GOLGA7: variants seen among roughly 807,000 people sequenced by gnomAD.
GOLGA7 encodes golgin subfamily A member 7.
GOLGA7 carries 10 observed loss-of-function variants against 21.1 expected under a neutral mutation model. The ratio of observed to expected loss-of-function variants is 0.47; its 90% confidence interval spans 0.29 to 0.80. GOLGA7 has a LOEUF of 0.80. Among genes scored for constraint, GOLGA7 ranks in the 30% least tolerant of loss-of-function variants. The probability of loss-of-function intolerance (pLI) is 0.08; values close to 1 mark genes in which losing one functional copy is unlikely to be tolerated. For synonymous variants in GOLGA7, 64 were observed against 62.6 expected (o/e 1.02, Z -0.10); for missense variants, 114 against 166.8 (o/e 0.68, Z 1.74).
At chr8:41,505,702 G>T (rs1806268591) in intron 2 of GOLGA7, 2 of 446,682 alleles carry the variant, frequency 4.5e-6, no homozygotes, top group African/African-American at 2.0e-5. Context: ...TTGTGTCGAA[G>T]ATATTTTTGA....
At chr8:41,505,355 C>T (rs961238894) in intron 2 of GOLGA7, among the ~76,000 whole-genome samples, 11 of 152,152 alleles carry the variant, frequency 7.2e-5, no homozygotes, top group Non-Finnish European at 1.5e-4. Context: ...AGCTAATGCC[C>T]ACATGCTCTA....
chr8:41,507,204 ATCAT>A, intron 4 of GOLGA7, 83 bp downstream of exon 4: 1 of 736,604 alleles, frequency 1.4e-6, no homozygotes. Flanking sequence ...TGGTAAATAA[ATCAT>A]TAAATCACGC....
rs777664990 is a variant in GOLGA7 at position 41,490,872 on chromosome 8, G to T, written c.18G>T (p.Ala6=). The change falls in exon 1 of 5, where the codon GCG becomes GCT. Residue 6 remains alanine (A), a synonymous_variant. Transcript: ENST00000357743. ...TCCTCGCCATGAGGCCGCAGCAGGC[G>T]CCGGTGTCCGGAAAGGTGTTCATTC... MRPQQ[A]PVSGKVFIQR... The T allele has an allele frequency of 3.8e-6, 6 of 1,596,700 alleles. No individual in the cohort carries two copies. Among genetic ancestry groups the T allele is most frequent in the South Asian group, 2.3e-5 (2 of 88,516 alleles).
intron 3 of GOLGA7, 32 bp downstream of exon 3, chr8:41,506,044 A>G: frequency 9.5e-7 from 1 of 1,051,124 alleles, no homozygotes; most frequent in South Asian, 1.4e-5. Flanking sequence ...GAAAGTCTAA[A>G]TATTTATAAC....
rs900596102 is a variant in GOLGA7, at chr8:41,490,631, G to C, written c.-224G>C. On this transcript the variant is annotated 5_prime_UTR_variant, in exon 1 of 5. Coordinates refer to ENST00000357743, the MANE Select transcript of GOLGA7 (RefSeq NM_001002296.2). The stretch of plus-strand genomic sequence containing the variant: ...CAGAGGAGGCGGGTTTGTGTTTCCC[G>C]GGCCGAACCGGGTTGTGGGGGGCGC... 2.4e-5 allele frequency: 13 copies of C among 530,796 alleles called. No individual in the cohort carries two copies. Among genetic ancestry groups the C allele is most frequent in the Admixed American group, 1.1e-4 (3 of 28,492 alleles). The allele number at this position is 530,796 out of a possible 1,614,324, so 32.9% of individuals were successfully genotyped here.
At chr8:41,500,454 G>A (rs1209812824) in intron 2 of GOLGA7, among the ~76,000 whole-genome samples, 4 of 152,208 alleles carry the variant, frequency 2.6e-5, no homozygotes, top group Non-Finnish European at 5.9e-5. Context: ...AGAGAATGAT[G>A]GGAGGTGGAT....
intron 1 of GOLGA7, among the ~76,000 whole-genome samples, chr8:41,492,795 T>G (rs993346356): frequency 3.9e-5 from 6 of 152,272 alleles, no homozygotes; most frequent in Admixed American, 3.9e-4. Flanking sequence ...TTTACCACAA[T>G]TATTTGGACA....
chr8:41,499,221 G>A (rs993447367), intron 2 of GOLGA7, among the ~76,000 whole-genome samples: 2 of 152,170 alleles, frequency 1.3e-5, no homozygotes, highest in Admixed American at 6.5e-5. Context: ...TGGGCAGGCT[G>A]TGGGGCTCCA....
chr8:41,503,914 G>T (rs1411776481), intron 2 of GOLGA7, among the ~76,000 whole-genome samples: 1 of 149,916 alleles, frequency 6.7e-6, no homozygotes, highest in African/African-American at 2.5e-5. Flanking sequence ...GGTGGGAATT[G>T]AACAATGAGA....
Position 41,505,896 on chromosome 8 carries a change from GTT to G in GOLGA7, c.265-13_265-12del, listed in dbSNP as rs1386289534. 2 of 1,359,620 alleles carry G rather than the reference GTT, an allele frequency of 1.5e-6. No homozygotes were observed. The highest frequency in any genetic ancestry group is 3.8e-5 in the Admixed American group (2 of 52,982). The allele number at this position is 1,359,620 out of a possible 1,614,324, so 84.2% of individuals were successfully genotyped here. ...GATGAAGTTTGTAAGAAGCTGTGGT[GTT>G]TCTTTCTGTCAGGTTCTGAAGAAAG... On this transcript the variant is annotated splice_polypyrimidine_tract_variant and intron_variant, in intron 2 of 4. Coordinates refer to ENST00000357743, the MANE Select transcript of GOLGA7 (RefSeq NM_001002296.2).
At chr8:41,492,907 G>T (rs1282066353) in intron 1 of GOLGA7, among the ~76,000 whole-genome samples, 2 of 152,216 alleles carry the variant, frequency 1.3e-5, no homozygotes, top group Non-Finnish European at 2.9e-5. Flanking sequence ...TCCACTCTGT[G>T]TGTGGCAGAG....
Position 41,510,330 on chromosome 8 carries a change from C to T in GOLGA7, c.*762C>T, listed in dbSNP as rs1806391970. On this transcript the variant is annotated 3_prime_UTR_variant, in exon 5 of 5. Coordinates refer to ENST00000357743, the MANE Select transcript of GOLGA7 (RefSeq NM_001002296.2). ...TGTTCATCACAAAAATCAGTAAGCA[C>T]AATAAAGTGGATGCCAAACCATCAG... 6.6e-6 allele frequency: 1 copy of T among 152,502 alleles called. No homozygotes were observed. The highest frequency in any genetic ancestry group is 2.1e-4 in the South Asian group (1 of 4,832). 9.4% of individuals were successfully genotyped at this position (152,502 alleles called of 1,614,324 possible). A position where few individuals can be genotyped will look rare whatever the true frequency, so the allele number is the denominator to read the frequency against.
Position 41,490,736 on chromosome 8 carries a change from G to C in GOLGA7, c.-119G>C, listed in dbSNP as rs1415057264. ...AGCGGGGCAGAGGAGGCCTTGGGCT[G>C]TTTTCGGCGGCGGGTGGGGGCGAGG... On this transcript the variant is annotated 5_prime_UTR_variant, in exon 1 of 5. Coordinates refer to ENST00000357743, the MANE Select transcript of GOLGA7 (RefSeq NM_001002296.2). 1.6e-4 allele frequency: 102 copies of C among 645,734 alleles called. No homozygotes were observed. The highest frequency in any genetic ancestry group is 2.0e-5 in the Non-Finnish European group (7 of 356,638). The allele number at this position is 645,734 out of a possible 1,614,324, so 40.0% of individuals were successfully genotyped here.
intron 2 of GOLGA7, among the ~76,000 whole-genome samples, chr8:41,499,808 C>A (rs1351657446): frequency 1.3e-5 from 2 of 152,342 alleles, no homozygotes; most frequent in East Asian, 3.9e-4. Flanking sequence ...TCTGTCTTCA[C>A]TACTGGGCAC....
chr8:41,498,371 G>A (rs940583396), intron 2 of GOLGA7, among the ~76,000 whole-genome samples: 4 of 152,024 alleles, frequency 2.6e-5, no homozygotes, highest in Non-Finnish European at 4.4e-5. Context: ...CTGCCAAGTC[G>A]GAGACCTTCC....
At chr8:41,493,833 C>CT (rs1435559098) in intron 1 of GOLGA7, among the ~76,000 whole-genome samples, 1 of 152,102 alleles carries the variant, frequency 6.6e-6, no homozygotes, top group Non-Finnish European at 1.5e-5. Flanking sequence ...TCTCATATAT[C>CT]TAAATTTTGA....
intron 2 of GOLGA7, among the ~76,000 whole-genome samples, chr8:41,503,220 GTGTC>G (rs1806193549): frequency 7.3e-6 from 1 of 136,520 alleles, no homozygotes; most frequent in African/African-American, 2.9e-5. Flanking sequence ...AAAAAAAAAA[GTGTC>G]TGTTCATGTC....
chr8:41,499,329 G>A (rs912590968), intron 2 of GOLGA7, among the ~76,000 whole-genome samples: 6 of 152,158 alleles, frequency 3.9e-5, no homozygotes, highest in Non-Finnish European at 7.3e-5. Flanking sequence ...ATCCATAGGC[G>A]GCTTGTGTTA....
chr8:41,496,804 CTTTTTTTTTTTT>C (rs34657481), intron 1 of GOLGA7, among the ~76,000 whole-genome samples: 2 of 91,654 alleles, frequency 2.2e-5, no homozygotes, highest in Non-Finnish European at 3.9e-5. Context: ...CAGTTTATTG[CTTTTTTTTTTTT>C]TTTTTTTTTG....
Sources: allele counts gnomAD v4.1 joint callset (sites outside exome capture counted in the v4.1 genomes callset), GRCh38; gene constraint gnomAD v4.1.1; transcripts MANE v1.5; gene names NCBI Gene and HGNC (gene_info 2026-07-23, HGNC 2026-07-21).